STARD9: variants seen among roughly 807,000 people sequenced by gnomAD.
STARD9 encodes StAR related lipid transfer domain containing 9, also known as stAR-related lipid transfer protein 9.
Under a neutral mutation model 399.8 loss-of-function variants are expected in STARD9, and 346 were observed. The observed-to-expected ratio is 0.87, with a 90% confidence interval of 0.79 to 0.95. The LOEUF (loss-of-function observed/expected upper bound fraction) is 0.95. Among genes scored for constraint, STARD9 ranks in the 40% least tolerant of loss-of-function variants. STARD9 has a pLI of 0.00. For synonymous variants in STARD9, 2,203 were observed against 2,143.5 expected, an observed-to-expected ratio of 1.03 and a Z score of -0.77; for missense variants, 5,832 against 5,667.5, an observed-to-expected ratio of 1.03 and a Z score of -0.93.
At chr15:42,608,941 C>T (rs911410572) in intron 3 of STARD9, among the ~76,000 whole-genome samples, 2 of 152,200 alleles carry the variant, frequency 1.3e-5, no homozygotes, top group African/African-American at 2.4e-5. Context: ...TCAGTGTTAA[C>T]CGAGCATGCA....
At chr15:42,624,146 T>A (rs1471416794) in intron 3 of STARD9, among the ~76,000 whole-genome samples, 1 of 152,230 alleles carries the variant, frequency 6.6e-6, no homozygotes, top group Non-Finnish European at 1.5e-5. Flanking sequence ...TGTTAGACTG[T>A]TCACACTTTG....
intron 7 of STARD9, among the ~76,000 whole-genome samples, chr15:42,642,318 G>C (rs2059554727): frequency 6.6e-6 from 1 of 152,198 alleles, no homozygotes; most frequent in South Asian, 2.1e-4. Flanking sequence ...GAAAAGAGTA[G>C]CCTTTCCATT....
Position 42,685,143 on chromosome 15 carries a change from G to T in STARD9, c.3565G>T (p.Ala1189Ser). The T allele has an allele frequency of 2.0e-6, 3 of 1,537,186 alleles. No homozygotes were observed. The highest frequency in any genetic ancestry group is 1.2e-5 in the South Asian group (1 of 84,068). Residue 1189 changes from alanine to serine, a missense_variant, in exon 23 of 33, where the codon GCC (alanine) becomes TCC (serine). Physicochemically the swap from Ala to Ser is moderately conservative, Grantham distance 99. Transcript: ENST00000290607. ...AGCTTCTGTGAGGGGCTTCACTGCA[G>T]CCTCAGACAGTGACCTACTTGCTCA... ...TRASVRGFTA[A>S]SDSDLLAQTH...
chr15:42,709,408 T>G (rs953825817), intron 26 of STARD9, among the ~76,000 whole-genome samples: 4 of 152,108 alleles, frequency 2.6e-5, no homozygotes, highest in African/African-American at 9.7e-5. Context: ...GGAGACTAGC[T>G]GGGCAAGGTG....
At chr15:42,614,631 C>G (rs1278704693) in intron 3 of STARD9, among the ~76,000 whole-genome samples, 2 of 152,074 alleles carry the variant, frequency 1.3e-5, no homozygotes, top group African/African-American at 4.8e-5. Context: ...ATATTTTACC[C>G]TTTGACCTAG....
In STARD9 at chr15:42,669,317, G is replaced by A. The variant is rs1488079121; in HGVS notation, c.1477G>A (p.Val493Ile). 6.6e-7 allele frequency: 1 copy of A among 1,524,696 alleles called. No individual in the cohort carries two copies. The highest frequency in any genetic ancestry group is 1.2e-5 in the South Asian group (1 of 83,492). 94.4% of individuals were successfully genotyped at this position (1,524,696 alleles called of 1,614,324 possible). ...GGAGGATGATGTGCTCAGCACAGGT[G>A]TTGTGCTCTATCATCTCAAGGTGAG... ...ALEDDVLSTG[V>I]VLYHLKEGTT... Residue 493 changes from valine (V) to isoleucine (I), a missense_variant, in exon 16 of 33, where the codon GTT becomes ATT. Physicochemically the swap from Val to Ile is conservative, Grantham distance 29 (BLOSUM62 3). Transcript: ENST00000290607.
Position 42,695,294 on chromosome 15 carries a change from C to G in STARD9, c.13117C>G (p.His4373Asp). The G allele has an allele frequency of 6.5e-7, 1 of 1,536,116 alleles. No homozygotes were observed. The highest frequency in any genetic ancestry group is 1.2e-5 in the South Asian group (1 of 83,918). Residue 4373 changes from histidine (H) to aspartate (D), a missense_variant, in exon 25 of 33, where the codon CAC becomes GAC. His to Asp is a moderately conservative substitution (Grantham distance 81). Transcript: ENST00000290607. ...ERTEQEKLRI[H>D]QKIISQLLKE... is the part of the protein sequence containing the mutation. Reference sequence around the variant, plus strand: ...GACTGAACAAGAGAAGCTGAGAATCCACCAGAAGATCATTTCCCAGCTATT... The same window carrying G: ...GACTGAACAAGAGAAGCTGAGAATCGACCAGAAGATCATTTCCCAGCTATT...
intron 3 of STARD9, among the ~76,000 whole-genome samples, chr15:42,618,757 T>C (rs9972600): frequency 0.046 from 7,030 of 152,078 alleles, 575 homozygotes; most frequent in African/African-American, 0.16. Context: ...CCAGCACGCC[T>C]GGCTAATTTT....
chr15:42,663,183 T>TA, intron 11 of STARD9, 98 bp from the exon 12 acceptor site: 1 of 1,116,878 alleles, frequency 9.0e-7, no homozygotes, highest in Non-Finnish European at 1.3e-6. Context: ...GATTAGGAAA[T>TA]ATGATACTTA....
At position 42,707,787 on chromosome 15, in the gene STARD9, A is replaced by G. The variant is rs116084720; in HGVS notation, c.13285-8890A>G. On this transcript the variant is annotated intron_variant, in intron 26 of 32. Transcript: ENST00000290607. ...GTATATAAATACAACATACACAACAATCACTTTTTGCAAGAACACATACAA... is the reference window on the plus strand; with the variant it reads ...GTATATAAATACAACATACACAACAGTCACTTTTTGCAAGAACACATACAA... 3.8e-3 allele frequency among the ~76,000 whole-genome samples: 578 copies of G among 152,252 alleles called. 1 individual carries two copies. Among genetic ancestry groups the G allele is most frequent in the African/African-American group, 0.013 (554 of 41,536 alleles).
chr15:42,594,306 G>A (rs6493054), intron 3 of STARD9, among the ~76,000 whole-genome samples: 117,977 of 152,044 alleles, frequency 0.78, 47,078 homozygotes, highest in Non-Finnish European at 0.88. Flanking sequence ...CGATTATTCA[G>A]TAAAGGAATG....
At chr15:42,717,628 A>C in intron 28 of STARD9, 103 bp from the exon 29 acceptor site, 1 of 1,077,474 alleles carries the variant, frequency 9.3e-7, no homozygotes, top group South Asian at 1.3e-5. Flanking sequence ...CTGTCTCAAA[A>C]AAAAAGAAAA....
intron 15 of STARD9, among the ~76,000 whole-genome samples, chr15:42,666,068 G>A (rs1480423144): frequency 6.6e-6 from 1 of 152,236 alleles, no homozygotes; most frequent in Non-Finnish European, 1.5e-5. Flanking sequence ...GGATTCGTAA[G>A]TCCTTTGGAT....
At chr15:42,580,737 G>T (rs1201118008) in intron 1 of STARD9, among the ~76,000 whole-genome samples, 1 of 152,032 alleles carries the variant, frequency 6.6e-6, no homozygotes, top group African/African-American at 2.4e-5. Context: ...GCTTGAACCC[G>T]GGAGGCAGAG....
rs929761419 is a variant in STARD9 at position 42,716,748 on chromosome 15, G to A, written c.13356G>A (p.Arg4452=). The part of the protein sequence containing the change: ...GDERGGHSAV[R]KNSAYSHRAS... ...AGCGAGGAGGCCATTCTGCAGTGAG[G>A]AAGAACTCTGCCTACAGTGAGTTGC... The change falls in exon 27 of 33, where the codon AGG becomes AGA. Residue 4452 remains arginine (R), a synonymous_variant. Coordinates refer to ENST00000290607, the MANE Select transcript of STARD9 (RefSeq NM_020759.3). 26 of 1,536,610 alleles carry A rather than the reference G, an allele frequency of 1.7e-5. No homozygotes were observed. The highest frequency in any genetic ancestry group is 2.0e-5 in the Non-Finnish European group (23 of 1,146,436).
At chr15:42,701,201 T>G (rs1054673781) in intron 26 of STARD9, among the ~76,000 whole-genome samples, 1 of 152,212 alleles carries the variant, frequency 6.6e-6, no homozygotes, top group Non-Finnish European at 1.5e-5. Context: ...GCCTCCAGCT[T>G]TGTTTTGCTC....
intron 18 of STARD9, 31 bp from the exon 19 acceptor site, chr15:42,675,633 G>A: frequency 6.6e-7 from 1 of 1,505,100 alleles, no homozygotes; most frequent in Non-Finnish European, 8.9e-7. Context: ...ATGAGCTGTT[G>A]ATTGAATTCT....
intron 3 of STARD9, among the ~76,000 whole-genome samples, chr15:42,606,571 T>A (rs1489384814): frequency 2.0e-5 from 3 of 151,446 alleles, no homozygotes; most frequent in Admixed American, 6.6e-5. Context: ...CCTTCCCACC[T>A]CAGCCTCCCA....
In STARD9 at chr15:42,663,398, G is replaced by A. The variant is rs567604142; in HGVS notation, c.986G>A (p.Arg329Gln). The A allele has an allele frequency of 2.8e-5, 43 of 1,537,258 alleles. No individual in the cohort carries two copies. The highest frequency in any genetic ancestry group is 1.9e-4 in the African/African-American group (14 of 73,158). The part of the protein sequence containing the change: ...SGTSSGGAPS[R>Q]RQSYIPYRDS... Reference sequence around the variant, plus strand: ...ACCAGCAGTGGAGGGGCACCCTCCCGAAGGCAGTCTTATATCCCATACCGA... The same window carrying A: ...ACCAGCAGTGGAGGGGCACCCTCCCAAAGGCAGTCTTATATCCCATACCGA... Residue 329 changes from arginine (R) to glutamine (Q), a missense_variant, in exon 12 of 33, where the codon CGA becomes CAA. Around this residue, in one of 2 missense-constraint regions of STARD9, gnomAD observed 5,828 missense variants for 5,651.1 expected, o/e 1.03. Coordinates refer to ENST00000290607, the MANE Select transcript of STARD9 (RefSeq NM_020759.3).
Sources: allele counts gnomAD v4.1 joint callset (sites outside exome capture counted in the v4.1 genomes callset), GRCh38; gene constraint gnomAD v4.1.1; regional missense constraint gnomAD v4.1.1; transcripts MANE v1.5; gene names NCBI Gene and HGNC (gene_info 2026-07-23, HGNC 2026-07-21).